Variants in SLC27A3 observed in about 807,000 individuals in gnomAD.
The protein encoded by SLC27A3 is solute carrier family 27 member 3.
SLC27A3 carries 60 observed loss-of-function variants against 60.1 expected under a neutral mutation model. The ratio of observed to expected loss-of-function variants is 1.00; its 90% CI spans 0.81 to 1.24. The LOEUF is 1.24. Among genes scored for constraint, SLC27A3 ranks in the 50% most tolerant of loss-of-function variants. The pLI is 0.00. For missense variants in SLC27A3, 1,079 were observed against 929.9 expected, an observed-to-expected ratio of 1.16 and a Z score of -2.09; for synonymous variants, 455 against 409.0, an observed-to-expected ratio of 1.11 and a Z score of -1.36.
chr1:153,779,798 T>C, intron 9 of SLC27A3, 28 bp from the exon 10 acceptor site: 1 of 1,605,134 alleles, frequency 6.2e-7, no homozygotes. Context: ...TCCCCTTCCC[T>C]CCAAATCCCT....
chr1:153,775,553 A>C lies in SLC27A3; in HGVS notation c.56A>C (p.Lys19Thr), dbSNP rs767385672. Residue 19 changes from lysine (K) to threonine (T), a missense_variant, in exon 1 of 10, where the codon AAG becomes ACG. Lys to Thr is a moderately conservative substitution (Grantham distance 78). Coordinates refer to ENST00000624995, the MANE Select transcript of SLC27A3 (RefSeq NM_024330.4). ...CTGTTGCTACCGCTGCTGCTGCTGA[A>C]GCTACACCTCTGGCCGCAGTTGCGC... is the stretch of plus-strand genomic sequence containing the variant. ...LLLLLPLLLL[K>T]LHLWPQLRWL... 1.3e-5 allele frequency: 21 copies of C among 1,611,830 alleles called. No individual in the cohort carries two copies. The highest frequency in any genetic ancestry group is 1.7e-5 in the Non-Finnish European group (20 of 1,179,922).
Position 153,775,505 on chromosome 1 carries a change from C to A in SLC27A3, c.8C>A (p.Ala3Asp). 2 of 1,613,218 alleles carry A rather than the reference C, an allele frequency of 1.2e-6. No homozygotes were observed. Among genetic ancestry groups the A allele is most frequent in the Non-Finnish European group, 8.5e-7 (1 of 1,180,008 alleles). The change falls in exon 1 of 10, where the codon GCC becomes GAC. Residue 3 changes from alanine to aspartate, a missense_variant. By Grantham distance (126) the Ala-to-Asp change is moderately radical. Coordinates refer to ENST00000624995, the MANE Select transcript of SLC27A3 (RefSeq NM_024330.4). MA[A>D]LLLLPLLLLL... ...ATAGAGGAAGCGGGCTCCATGGCTGCCCTCCTGCTGCTGCCCCTGCTGCTG... is the reference window on the plus strand; with the variant it reads ...ATAGAGGAAGCGGGCTCCATGGCTGACCTCCTGCTGCTGCCCCTGCTGCTG...
chr1:153,779,438 C>T lies in SLC27A3; in HGVS notation c.1840C>T (p.Pro614Ser), dbSNP rs765169484. Residue 614 changes from proline (P) to serine (S), a missense_variant, in exon 9 of 10, where the codon CCA becomes TCA. By Grantham distance (74) the Pro-to-Ser change is moderately conservative. Coordinates refer to ENST00000624995, the MANE Select transcript of SLC27A3 (RefSeq NM_024330.4). ...CTACACCCACGTGTCTGAGAACTTG[C>T]CACCTTATGCCCGGCCCCGATTCCT... is the stretch of plus-strand genomic sequence containing the variant. ...QLYTHVSENL[P>S]PYARPRFLRL... The T allele has an allele frequency of 1.2e-6, 2 of 1,612,488 alleles. No individual in the cohort carries two copies. The highest frequency in any genetic ancestry group is 1.7e-6 in the Non-Finnish European group (2 of 1,179,962).
At chr1:153,777,908 C>T in intron 4 of SLC27A3, 23 bp downstream of exon 4, 7 of 1,614,010 alleles carry the variant, frequency 4.3e-6, no homozygotes, top group South Asian at 1.1e-5. Flanking sequence ...AGATCCTGGG[C>T]AGAGCTGCTG....
chr1:153,778,746 G>A lies in SLC27A3; in HGVS notation c.1507G>A (p.Gly503Ser). ...GCAGTCCCCATTCCTGGGCTATGCTGGCGGGCCAGAGCTGGCCCAGGGGAA... is the reference window on the plus strand; with the variant it reads ...GCAGTCCCCATTCCTGGGCTATGCTAGCGGGCCAGAGCTGGCCCAGGGGAA... ...SQQSPFLGYA[G>S]GPELAQGKLL... Residue 503 changes from glycine (G) to serine (S), a missense_variant, in exon 7 of 10, where the codon GGC becomes AGC. By Grantham distance (56) the Gly-to-Ser change is moderately conservative. Transcript: ENST00000624995. 1 of 1,613,894 alleles carries A rather than the reference G, an allele frequency of 6.2e-7. No individual in the cohort carries two copies. The highest frequency in any genetic ancestry group is 8.5e-7 in the Non-Finnish European group (1 of 1,180,026).
chr1:153,779,315 G>A, intron 8 of SLC27A3, 28 bp from the exon 9 acceptor site: 1 of 1,613,554 alleles, frequency 6.2e-7, no homozygotes, highest in Non-Finnish European at 8.5e-7. Flanking sequence ...GCCATGGAGG[G>A]GCTTACTCTG....
In SLC27A3 at chr1:153,779,976, C is replaced by T; in HGVS notation, c.2026C>T (p.Leu676Phe). 1 of 1,613,640 alleles carries T rather than the reference C, an allele frequency of 6.2e-7. No homozygotes were observed. The highest frequency in any genetic ancestry group is 1.1e-5 in the South Asian group (1 of 90,986). ...CCTCACAACTGCCCGGTACAGCGCC[C>T]TCCTGGCAGGAAACCTTCGAATCTG... ...LPLTTARYSA[L>F]LAGNLRI Residue 676 changes from leucine (L) to phenylalanine (F), a missense_variant, in exon 10 of 10, where the codon CTC becomes TTC. Coordinates refer to ENST00000624995, the MANE Select transcript of SLC27A3 (RefSeq NM_024330.4).
rs369929708 is a variant in SLC27A3, at chr1:153,775,633, C to T, written c.136C>T (p.Leu46Phe). ...AVRALCCKRA[L>F]RARALAAAAA... Reference sequence around the variant, plus strand: ...GCGAGCTCTGTGCTGCAAAAGGGCTCTTCGAGCTCGCGCCCTGGCCGCGGC... The same window carrying T: ...GCGAGCTCTGTGCTGCAAAAGGGCTTTTCGAGCTCGCGCCCTGGCCGCGGC... The change falls in exon 1 of 10, where the codon CTT becomes TTT. Residue 46 changes from leucine (L) to phenylalanine (F), a missense_variant. Leu to Phe is a conservative substitution (Grantham distance 22). Transcript: ENST00000624995. The T allele has an allele frequency of 3.2e-6, 5 of 1,549,836 alleles. No individual in the cohort carries two copies. The South Asian group carries it at 3.5e-5, about 11-fold the overall frequency.
chr1:153,779,015 AT>A, intron 7 of SLC27A3, 98 bp from the exon 8 acceptor site: 1 of 1,467,840 alleles, frequency 6.8e-7, no homozygotes, highest in Non-Finnish European at 9.5e-7. Context: ...AGATCTCACC[AT>A]TTCATCCCTG....
Position 153,779,102 on chromosome 1 carries a change from GCT to G in SLC27A3, c.1647-7_1647-6del, listed in dbSNP as rs747909109. 6.2e-7 allele frequency: 1 copy of G among 1,613,790 alleles called. No individual in the cohort carries two copies. Among genetic ancestry groups the G allele is most frequent in the Non-Finnish European group, 8.5e-7 (1 of 1,179,708 alleles). On this transcript the variant is annotated splice_polypyrimidine_tract_variant and intron_variant, in intron 7 of 9. Transcript: ENST00000624995. ...CCCTGACTCCCAGTTTCAGATCTCT[GCT>G]CTCTGACAGGTGGAAGGGGGAGAAT...
At chr1:153,777,910 G>C (rs1274253961) in intron 4 of SLC27A3, 25 bp downstream of exon 4, 2 of 1,614,076 alleles carry the variant, frequency 1.2e-6, no homozygotes, top group South Asian at 1.1e-5. Context: ...ATCCTGGGCA[G>C]AGCTGCTGAC....
In SLC27A3 at chr1:153,776,176, G is replaced by A. The variant is rs1166355509; in HGVS notation, c.667+12G>A. The A allele has an allele frequency of 1.4e-6, 2 of 1,414,724 alleles. No homozygotes were observed. Among genetic ancestry groups the A allele is most frequent in the East Asian group, 2.7e-5 (1 of 36,628 alleles). The allele number at this position is 1,414,724 out of a possible 1,614,324, so 87.6% of individuals were successfully genotyped here. A position where few individuals can be genotyped will look rare whatever the true frequency, so the allele number is the denominator to read the frequency against. On this transcript the variant is annotated intron_variant, in intron 1 of 9. Transcript: ENST00000624995. ...GGTGCTGGCGCCAGGTAAGGCTGGAGCTCCGAACTGACTAAGGCGGGGCCA... is the reference window on the plus strand; with the variant it reads ...GGTGCTGGCGCCAGGTAAGGCTGGAACTCCGAACTGACTAAGGCGGGGCCA...
Position 153,777,058 on chromosome 1 carries a change from A to ACAGGCCTCC in SLC27A3, c.878-2_884dup, listed in dbSNP as rs770394624. ...CTGATCGTCCCATAACTGCCACCCC[A>ACAGGCCTCC]CAGGCCTCCCCAAGGCTGCTCGGAT... On this transcript the variant is annotated splice_region_variant and splice_polypyrimidine_tract_variant and intron_variant, in intron 2 of 9. Coordinates refer to ENST00000624995, the MANE Select transcript of SLC27A3 (RefSeq NM_024330.4). 1.2e-6 allele frequency: 2 copies of ACAGGCCTCC among 1,614,018 alleles called. No individual in the cohort carries two copies. Among genetic ancestry groups the ACAGGCCTCC allele is most frequent in the Middle Eastern group, 1.7e-4 (1 of 6,060 alleles).
rs963000739 is a variant in SLC27A3, at chr1:153,776,599, A to G, written c.749A>G (p.His250Arg). Residue 250 changes from histidine to arginine, a missense_variant, in exon 2 of 10, where the codon CAC becomes CGC. Physicochemically the swap from His to Arg is conservative, Grantham distance 29. Transcript: ENST00000624995. ...LHLWAAGPGT[H>R]PAGISDLLAE... Reference sequence around the variant, plus strand: ...CTGTGGGCTGCAGGCCCAGGAACCCACCCTGCTGGAATTAGCGATTTGCTG... The same window carrying G: ...CTGTGGGCTGCAGGCCCAGGAACCCGCCCTGCTGGAATTAGCGATTTGCTG... 2 of 1,614,134 alleles carry G rather than the reference A, an allele frequency of 1.2e-6. No individual in the cohort carries two copies. The highest frequency in any genetic ancestry group is 2.7e-5 in the African/African-American group (2 of 75,030).
rs758248300 is a variant in SLC27A3 at position 153,776,105 on chromosome 1, G to A, written c.608G>A (p.Arg203Gln). The A allele has an allele frequency of 1.3e-5, 19 of 1,473,486 alleles. No individual in the cohort carries two copies. The East Asian group carries it at 1.6e-4, about 12-fold the overall frequency. The allele number at this position is 1,473,486 out of a possible 1,614,324, so 91.3% of individuals were successfully genotyped here. The change falls in exon 1 of 10, where the codon CGG (arginine) becomes CAG (glutamine). Residue 203 changes from arginine (R) to glutamine (Q), a missense_variant. Physicochemically the swap from Arg to Gln is conservative, Grantham distance 43 (BLOSUM62 1). Coordinates refer to ENST00000624995, the MANE Select transcript of SLC27A3 (RefSeq NM_024330.4). ...GCCTTTGTGCCCACCGCCCTGCGCC[G>A]GGGCCCCCTGCTGCACTGCCTCCGC... ...RTAFVPTALR[R>Q]GPLLHCLRSC...
In SLC27A3 at chr1:153,775,798, A is replaced by T. The variant is rs1181223670; in HGVS notation, c.301A>T (p.Asn101Tyr). Reference sequence around the variant, plus strand: ...CTACTCAGAGGCGGAGCGCGAGAGTAACAGGGCTGCACGCGCCTTCCTACG... The same window carrying T: ...CTACTCAGAGGCGGAGCGCGAGAGTTACAGGGCTGCACGCGCCTTCCTACG... ...FSYSEAERESNRAARAFLRAL... is the reference protein window; with the variant it reads ...FSYSEAERESYRAARAFLRAL... The change falls in exon 1 of 10, where the codon AAC (asparagine) becomes TAC (tyrosine). Residue 101 changes from asparagine (N) to tyrosine (Y), a missense_variant. Coordinates refer to ENST00000624995, the MANE Select transcript of SLC27A3 (RefSeq NM_024330.4). The T allele has an allele frequency of 6.7e-7, 1 of 1,503,514 alleles. No individual in the cohort carries two copies. The highest frequency in any genetic ancestry group is 1.5e-5 in the African/African-American group (1 of 68,790). The allele number at this position is 1,503,514 out of a possible 1,614,324, so 93.1% of individuals were successfully genotyped here. A position where few individuals can be genotyped will look rare whatever the true frequency, so the allele number is the denominator to read the frequency against.
chr1:153,776,482 C>A, intron 1 of SLC27A3, 36 bp from the exon 2 acceptor site: 1 of 1,579,984 alleles, frequency 6.3e-7, no homozygotes, highest in Non-Finnish European at 8.6e-7. Flanking sequence ...CTAGGTAGAG[C>A]CAGGGCCCCG....
In SLC27A3 at chr1:153,775,891, CG is replaced by C; in HGVS notation, c.397del (p.Ala133GlnfsTer103). ...SGEGSAGEGE[R>X]AAPGAGDAAA... is the part of the protein sequence containing the mutation. Reference sequence around the variant, plus strand: ...CGAGGGGAGCGCTGGAGAAGGCGAGCGGGCAGCGCCGGGAGCCGGAGATGCA... The same window carrying C: ...CGAGGGGAGCGCTGGAGAAGGCGAGCGGCAGCGCCGGGAGCCGGAGATGCA... On this transcript the variant is annotated frameshift_variant, in exon 1 of 10. Coordinates refer to ENST00000624995, the MANE Select transcript of SLC27A3 (RefSeq NM_024330.4). LOFTEE classifies it high-confidence loss of function. 6.8e-7 allele frequency: 1 copy of C among 1,476,652 alleles called. No homozygotes were observed. Among genetic ancestry groups the C allele is most frequent in the South Asian group, 1.4e-5 (1 of 73,070 alleles). 91.5% of individuals were successfully genotyped at this position (1,476,652 alleles called of 1,614,324 possible). A position where few individuals can be genotyped will look rare whatever the true frequency, so the allele number is the denominator to read the frequency against.
At chr1:153,776,201 A>G in intron 1 of SLC27A3, 37 bp downstream of exon 1, 1 of 1,408,014 alleles carries the variant, frequency 7.1e-7, no homozygotes, top group East Asian at 2.7e-5. Context: ...AGGCGGGGCC[A>G]GCCACAGAAG....
Sources: gnomAD v4.1 joint callset for allele counts on GRCh38, gnomAD v4.1.1 for gene constraint, MANE v1.5 for transcripts, NCBI Gene and HGNC (gene_info 2026-07-23, HGNC 2026-07-21) for gene names.